Variants in SLC4A7 observed in about 807,000 individuals in gnomAD.
The protein encoded by SLC4A7 is solute carrier family 4 member 7.
Under a neutral mutation model 137.6 loss-of-function variants are expected in SLC4A7, and 51 were observed. The observed-to-expected ratio is 0.37, with a 90% CI of 0.30 to 0.47. The LOEUF (loss-of-function observed/expected upper bound fraction) is 0.47. Among genes scored for constraint, SLC4A7 ranks in the 20% least tolerant of loss-of-function variants. The pLI, the probability that SLC4A7 is intolerant of heterozygous loss-of-function variation, is 1.00. For missense variants in SLC4A7, 1,247 were observed against 1,525.4 expected (o/e 0.82, Z 3.04); for synonymous variants, 542 against 518.6 (o/e 1.05, Z -0.61).
intron 7 of SLC4A7, among the ~76,000 whole-genome samples, chr3:27,428,490 TC>T (rs1460534356): frequency 6.6e-6 from 1 of 152,216 alleles, no homozygotes; most frequent in African/African-American, 2.4e-5. Flanking sequence ...TATTTGTACT[TC>T]CAAAAGTATA....
chr3:27,397,230 G>A (rs2052276728), intron 18 of SLC4A7, among the ~76,000 whole-genome samples: 1 of 152,036 alleles, frequency 6.6e-6, no homozygotes, highest in Non-Finnish European at 1.5e-5. Flanking sequence ...TGGCCAGGCT[G>A]GTCTTGAACT....
At chr3:27,387,158 C>T (rs1157461586) in intron 22 of SLC4A7, among the ~76,000 whole-genome samples, 1 of 152,126 alleles carries the variant, frequency 6.6e-6, no homozygotes, top group South Asian at 2.1e-4. Flanking sequence ...TATCAGCACA[C>T]GAACAGTGAA....
chr3:27,483,864 G>A (rs1272680807), intron 1 of SLC4A7, among the ~76,000 whole-genome samples: 1 of 151,254 alleles, frequency 6.6e-6, no homozygotes, highest in Admixed American at 6.6e-5. Flanking sequence ...GGCCTCCCGA[G>A]CGCAGCCGCT....
At chr3:27,450,416 T>C (rs923779700) in intron 2 of SLC4A7, among the ~76,000 whole-genome samples, 1 of 152,180 alleles carries the variant, frequency 6.6e-6, no homozygotes, top group Non-Finnish European at 1.5e-5. Flanking sequence ...GTAATTTAAA[T>C]GGTTAATTTT....
At chr3:27,478,026 C>G (rs2059537535) in intron 1 of SLC4A7, among the ~76,000 whole-genome samples, 1 of 152,126 alleles carries the variant, frequency 6.6e-6, no homozygotes, top group South Asian at 2.1e-4. Flanking sequence ...TGTTCCTAAT[C>G]AGAGATGATA....
At chr3:27,427,432 G>A (rs1265467735) in intron 7 of SLC4A7, among the ~76,000 whole-genome samples, 1 of 151,568 alleles carries the variant, frequency 6.6e-6, no homozygotes, top group Non-Finnish European at 1.5e-5. Context: ...GAGCTACCAT[G>A]CCCAGCCACA....
intron 13 of SLC4A7, among the ~76,000 whole-genome samples, chr3:27,406,075 G>A (rs538053623): frequency 5.9e-5 from 9 of 152,162 alleles, no homozygotes; most frequent in Admixed American, 2.0e-4. Context: ...AAAGAAGCTC[G>A]TAAGAAACAA....
At chr3:27,477,641 C>A (rs982995848) in intron 1 of SLC4A7, among the ~76,000 whole-genome samples, 1 of 151,966 alleles carries the variant, frequency 6.6e-6, no homozygotes, top group East Asian at 1.9e-4. Flanking sequence ...TGGAGTCTTG[C>A]TCTGTTGCCC....
intron 3 of SLC4A7, among the ~76,000 whole-genome samples, chr3:27,441,563 G>A (rs145696173): frequency 6.6e-6 from 1 of 152,038 alleles, no homozygotes; most frequent in Non-Finnish European, 1.5e-5. Flanking sequence ...CACAAGCATG[G>A]CTCACTGCGG....
intron 3 of SLC4A7, among the ~76,000 whole-genome samples, chr3:27,438,956 T>G (rs1003524377): frequency 1.3e-5 from 2 of 152,204 alleles, no homozygotes; most frequent in African/African-American, 2.4e-5. Flanking sequence ...AAACTACTTG[T>G]GTAGTATAGG....
chr3:27,478,860 G>A (rs902119362), intron 1 of SLC4A7, among the ~76,000 whole-genome samples: 28 of 151,066 alleles, frequency 1.9e-4, no homozygotes, highest in Middle Eastern at 3.4e-3. Context: ...AGAGAGAGAG[G>A]GGGGCGTGGT....
intron 25 of SLC4A7, 88 bp downstream of exon 25, chr3:27,379,161 T>C (rs933600715): frequency 7.4e-5 from 52 of 700,528 alleles, no homozygotes; most frequent in Non-Finnish European, 1.2e-4. Flanking sequence ...TACATTAAAA[T>C]GATGGATGAA....
At chr3:27,392,668 AAC>A (rs376865091) in intron 20 of SLC4A7, among the ~76,000 whole-genome samples, 5 of 152,060 alleles carry the variant, frequency 3.3e-5, no homozygotes, top group African/African-American at 9.6e-5. Flanking sequence ...CTCTACCAAA[AAC>A]ACAAAAATTA....
intron 7 of SLC4A7, among the ~76,000 whole-genome samples, chr3:27,426,435 G>C (rs138462839): frequency 1.3e-5 from 2 of 152,284 alleles, no homozygotes; most frequent in East Asian, 3.9e-4. Flanking sequence ...CAAGAAAACT[G>C]AGAGTACCAT....
intron 11 of SLC4A7, among the ~76,000 whole-genome samples, chr3:27,416,575 T>A (rs1238384967): frequency 1.3e-5 from 2 of 152,228 alleles, no homozygotes; most frequent in African/African-American, 2.4e-5. Flanking sequence ...GAAGTTTGCA[T>A]GCAAATTTTT....
At position 27,479,012 on chromosome 3, in the gene SLC4A7, A is replaced by T. The variant is rs2059596225; in HGVS notation, c.60+5055T>A. ...AAAGTGAGAACCCTGTCTCAGGAAA[A>T]AAAAAAACAAAAAAACACCAAACTA... On this transcript the variant is annotated intron_variant, in intron 1 of 25. Transcript: ENST00000454389. 2.6e-5 allele frequency among the ~76,000 whole-genome samples: 4 copies of T among 152,076 alleles called. No individual in the cohort carries two copies. In the South Asian group the frequency reaches 8.3e-4, roughly 32 times the overall value.
intron 24 of SLC4A7, among the ~76,000 whole-genome samples, chr3:27,380,249 G>A (rs1300063286): frequency 1.3e-5 from 2 of 150,170 alleles, no homozygotes; most frequent in Non-Finnish European, 3.0e-5. Context: ...AGAGGTTGTA[G>A]TGAGTCGAGA....
chr3:27,429,628 T>G (rs1352912915), intron 7 of SLC4A7, among the ~76,000 whole-genome samples: 1 of 151,954 alleles, frequency 6.6e-6, no homozygotes, highest in African/African-American at 2.4e-5. Flanking sequence ...GGTGGGTGGA[T>G]CATTTGAGGT....
intron 1 of SLC4A7, among the ~76,000 whole-genome samples, chr3:27,455,226 C>T (rs1057265988): frequency 5.3e-5 from 8 of 152,072 alleles, no homozygotes; most frequent in African/African-American, 1.7e-4. Context: ...GTTTGAGAAA[C>T]CAGACCCAAA....
Sources: gnomAD v4.1 joint callset for allele counts (sites outside exome capture counted in the v4.1 genomes callset) on GRCh38, gnomAD v4.1.1 for gene constraint, MANE v1.5 for transcripts, NCBI Gene and HGNC (gene_info 2026-07-23, HGNC 2026-07-21) for gene names.